The following TSPAN2 variants were observed in gnomAD, a reference collection of about 807,000 sequenced individuals.
The protein encoded by TSPAN2 is tetraspanin-2.
In TSPAN2, 24 loss-of-function variants were observed where a neutral mutation model predicts 33.3. The ratio of observed to expected loss-of-function variants is 0.72; its 90% CI spans 0.52 to 1.01. The LOEUF is 1.01. Among genes scored for constraint, TSPAN2 ranks in the 50% least tolerant of loss-of-function variants. TSPAN2 has a pLI of 0.00. For missense variants in TSPAN2, 278 were observed against 281.3 expected, an observed-to-expected ratio of 0.99 and a Z score of 0.08; for synonymous variants, 114 against 104.5, an observed-to-expected ratio of 1.09 and a Z score of -0.56.
At chr1:115,085,162 C>T (rs1478686258) in intron 1 of TSPAN2, among the ~76,000 whole-genome samples, 1 of 152,200 alleles carries the variant, frequency 6.6e-6, no homozygotes, top group Non-Finnish European at 1.5e-5. Flanking sequence ...CAGGAATATG[C>T]TGTGCTATCT....
intron 5 of TSPAN2, chr1:115,058,416 G>A (rs1647520478): frequency 1.3e-5 from 3 of 222,516 alleles, no homozygotes; most frequent in Non-Finnish European, 2.6e-5. Context: ...CATCTCCTGT[G>A]ACCCTTCATT....
chr1:115,077,857 T>A (rs893183954), intron 1 of TSPAN2, among the ~76,000 whole-genome samples: 1 of 152,156 alleles, frequency 6.6e-6, no homozygotes, highest in Non-Finnish European at 1.5e-5. Flanking sequence ...AATGCAGAGA[T>A]CATTCCTCAT....
intron 7 of TSPAN2, 33 bp downstream of exon 7, chr1:115,053,346 G>A: frequency 1.3e-6 from 2 of 1,587,142 alleles, no homozygotes; most frequent in Non-Finnish European, 1.7e-6. Flanking sequence ...GCTTTTTAGA[G>A]GGCAAAAAGG....
At chr1:115,052,031 G>C (rs1275675720) in intron 7 of TSPAN2, among the ~76,000 whole-genome samples, 3 of 152,194 alleles carry the variant, frequency 2.0e-5, no homozygotes, top group Non-Finnish European at 2.9e-5. Flanking sequence ...ACACGAGTCA[G>C]GGGTGAATGC....
intron 5 of TSPAN2, 111 bp from the exon 6 acceptor site, chr1:115,057,719 C>A (rs1293603039): frequency 1.1e-6 from 1 of 877,954 alleles, no homozygotes; most frequent in Non-Finnish European, 1.9e-6. Flanking sequence ...CTCCGAGGCC[C>A]AGTCACTGCA....
chr1:115,073,935 T>C lies in TSPAN2; in HGVS notation c.70-928A>G, dbSNP rs556483138. Among the ~76,000 whole-genome samples the C allele has an allele frequency of 1.3e-5, 2 of 152,254 alleles. 1 individual carries two copies. The highest frequency in any genetic ancestry group is 4.1e-4 in the South Asian group (2 of 4,822). On this transcript the variant is annotated intron_variant, in intron 1 of 7. Transcript: ENST00000369516. ...AGCAGGCTCTAGCCACGGTGTTTTC[T>C]CTCCACAAACACCACTCTCGAATTT...
At chr1:115,064,035 A>T (rs1339585277) in intron 2 of TSPAN2, among the ~76,000 whole-genome samples, 1 of 149,684 alleles carries the variant, frequency 6.7e-6, no homozygotes, top group Non-Finnish European at 1.5e-5. Context: ...GTACCCCCTG[A>T]TTCTAAAATG....
intron 6 of TSPAN2, among the ~76,000 whole-genome samples, chr1:115,054,012 G>T (rs576420567): frequency 3.9e-5 from 6 of 152,136 alleles, no homozygotes; most frequent in African/African-American, 7.2e-5. Context: ...GTGGTGGCTG[G>T]GCTGGGCTGT....
chr1:115,076,558 C>A (rs1648420067), intron 1 of TSPAN2, among the ~76,000 whole-genome samples: 2 of 152,210 alleles, frequency 1.3e-5, no homozygotes, highest in African/African-American at 4.8e-5. Context: ...ACTCACTGTA[C>A]TCATTGAAGA....
At chr1:115,057,434 A>T in intron 6 of TSPAN2, 103 bp downstream of exon 6, 1 of 1,138,714 alleles carries the variant, frequency 8.8e-7, no homozygotes, top group South Asian at 1.2e-5. Flanking sequence ...CACTAGAGCA[A>T]ATTCAGTAAA....
intron 2 of TSPAN2, among the ~76,000 whole-genome samples, chr1:115,066,394 G>T (rs978361691): frequency 6.6e-6 from 1 of 152,108 alleles, no homozygotes. Flanking sequence ...CCAGATCCTT[G>T]CCAGCATTTG....
intron 7 of TSPAN2, 100 bp downstream of exon 7, chr1:115,053,279 G>T: frequency 4.8e-6 from 5 of 1,037,138 alleles, no homozygotes; most frequent in Non-Finnish European, 7.2e-6. Context: ...TTCTTTATGA[G>T]AATTCTCTCT....
Position 115,057,560 on chromosome 1 carries a change from G to T in TSPAN2, c.493C>A (p.Pro165Thr), listed in dbSNP as rs1353340930. The T allele has an allele frequency of 1.7e-5, 28 of 1,613,960 alleles. No individual in the cohort carries two copies. The highest frequency in any genetic ancestry group is 2.3e-5 in the Non-Finnish European group (27 of 1,179,994). ...ESSEQVQPTC[P>T]KELLGHKNCI... is the part of the protein sequence containing the mutation. ...ACCTTGTGTCCTAGAAGCTCCTTTG[G>T]GCATGTAGGTTGGACCTGTTCGGAG... Residue 165 changes from proline to threonine, a missense_variant, in exon 6 of 8, where the codon CCA (proline) becomes ACA (threonine). Coordinates refer to ENST00000369516, the MANE Select transcript of TSPAN2 (RefSeq NM_005725.6).
At chr1:115,088,536 T>A (rs1648929123) in intron 1 of TSPAN2, among the ~76,000 whole-genome samples, 1 of 152,212 alleles carries the variant, frequency 6.6e-6, no homozygotes. Context: ...CTGGTCTAGC[T>A]GTATCCCTGT....
intron 3 of TSPAN2, among the ~76,000 whole-genome samples, chr1:115,061,934 G>A (rs187519145): frequency 1.1e-4 from 16 of 152,282 alleles, no homozygotes; most frequent in Admixed American, 9.2e-4. Context: ...GATTACAGGC[G>A]TGAGTCATGG....
intron 7 of TSPAN2, 139 bp from the exon 8 acceptor site, chr1:115,050,694 A>AT: frequency 1.4e-6 from 1 of 692,282 alleles, no homozygotes; most frequent in East Asian, 2.7e-5. Flanking sequence ...ACATTTTAGT[A>AT]TGTTACTTAA....
At chr1:115,071,507 C>T (rs1263701826) in intron 2 of TSPAN2, among the ~76,000 whole-genome samples, 1 of 152,134 alleles carries the variant, frequency 6.6e-6, no homozygotes, top group African/African-American at 2.4e-5. Flanking sequence ...TCTGGAAAGT[C>T]CCCATCTCCA....
chr1:115,079,143 AC>A (rs1367962611), intron 1 of TSPAN2, among the ~76,000 whole-genome samples: 2 of 78,894 alleles, frequency 2.5e-5, no homozygotes, highest in African/African-American at 4.3e-5. Flanking sequence ...AGCGCCACAC[AC>A]ACACACACAC....
At chr1:115,080,440 T>A (rs1648582325) in intron 1 of TSPAN2, among the ~76,000 whole-genome samples, 1 of 152,090 alleles carries the variant, frequency 6.6e-6, no homozygotes, top group African/African-American at 2.4e-5. Flanking sequence ...ATCCAGCTAT[T>A]TTTTTCTATT....
Sources: allele counts gnomAD v4.1 joint callset (sites outside exome capture counted in the v4.1 genomes callset), GRCh38; gene constraint gnomAD v4.1.1; transcripts MANE v1.5; gene names NCBI Gene and HGNC (gene_info 2026-07-23, HGNC 2026-07-21).